The following SHANK2 variants were observed in gnomAD, a reference collection of about 807,000 sequenced individuals.
SHANK2 encodes SH3 and multiple ankyrin repeat domains protein 2.
A neutral mutation model predicts 133.7 loss-of-function variants in SHANK2; 43 were observed. The ratio of observed to expected loss-of-function variants is 0.32; its 90% confidence interval spans 0.25 to 0.41. SHANK2 has a LOEUF of 0.41. Ranked by LOEUF, SHANK2 falls within the 10% of genes least tolerant of loss-of-function variation. The probability of loss-of-function intolerance (pLI) is 1.00; values close to 1 mark genes in which losing one functional copy is unlikely to be tolerated. For synonymous variants in SHANK2, 1,017 were observed against 952.8 expected, an observed-to-expected ratio of 1.07 and a Z score of -1.24; for missense variants, 1,994 against 2,235.8, an observed-to-expected ratio of 0.89 and a Z score of 2.18.
intron 11 of SHANK2, among the ~76,000 whole-genome samples, chr11:70,846,948 A>C (rs1949005968): frequency 6.6e-6 from 1 of 152,168 alleles, no homozygotes; most frequent in African/African-American, 2.4e-5. Flanking sequence ...CTGTGCTCAT[A>C]AAAGAGCCTG....
At chr11:70,551,311 G>A (rs1395494024) in intron 17 of SHANK2, among the ~76,000 whole-genome samples, 1 of 151,790 alleles carries the variant, frequency 6.6e-6, no homozygotes, top group Non-Finnish European at 1.5e-5. Context: ...CCTGCCCGCT[G>A]CCCCTCCCCC....
chr11:71,233,328 A>G (rs1283364005), intron 1 of SHANK2, among the ~76,000 whole-genome samples: 1 of 152,212 alleles, frequency 6.6e-6, no homozygotes, highest in Admixed American at 6.5e-5. Flanking sequence ...AACACGGATG[A>G]ACCTCGGTAA....
chr11:70,825,784 T>TTG (rs1555057069), intron 11 of SHANK2, among the ~76,000 whole-genome samples: 2,689 of 151,976 alleles, frequency 0.018, 38 homozygotes, highest in Non-Finnish European at 0.025. Flanking sequence ...TGATTTTTTT[T>TTG]TGTGAAAAGG....
At chr11:70,947,353 A>ATTTTTT (rs71049955) in intron 10 of SHANK2, among the ~76,000 whole-genome samples, 1 of 133,098 alleles carries the variant, frequency 7.5e-6, no homozygotes, top group Non-Finnish European at 1.6e-5. Context: ...TGACATCTAC[A>ATTTTTT]TTTTTTTTTT....
intron 2 of SHANK2, among the ~76,000 whole-genome samples, chr11:71,184,498 A>G (rs551303414): frequency 6.3e-4 from 96 of 152,266 alleles, no homozygotes; most frequent in Non-Finnish European, 6.0e-4. Flanking sequence ...CTGAAGCCCA[A>G]TGATACCCAC....
chr11:70,806,328 C>A (rs1032011266), intron 13 of SHANK2, among the ~76,000 whole-genome samples: 1 of 152,232 alleles, frequency 6.6e-6, no homozygotes, highest in African/African-American at 2.4e-5. Context: ...GCAGCCCACA[C>A]CTGCCATGTT....
chr11:70,722,692 G>A (rs931662407), intron 14 of SHANK2, among the ~76,000 whole-genome samples: 3 of 152,206 alleles, frequency 2.0e-5, no homozygotes, highest in Non-Finnish European at 2.9e-5. Flanking sequence ...GCAAAAATGA[G>A]AGATGGTTTC....
chr11:70,915,482 G>C (rs1330564551), intron 10 of SHANK2, among the ~76,000 whole-genome samples: 1 of 152,214 alleles, frequency 6.6e-6, no homozygotes, highest in Admixed American at 6.5e-5. Flanking sequence ...AGTATGGGAA[G>C]GGACGGTGCC....
chr11:71,225,907 C>T (rs144809017), intron 1 of SHANK2, among the ~76,000 whole-genome samples: 1 of 152,100 alleles, frequency 6.6e-6, no homozygotes, highest in Admixed American at 6.6e-5. Flanking sequence ...GTGGATCACT[C>T]AAGGTTAGAA....
chr11:70,545,754 C>A (rs1383715379), intron 17 of SHANK2, among the ~76,000 whole-genome samples: 1 of 152,236 alleles, frequency 6.6e-6, no homozygotes, highest in Non-Finnish European at 1.5e-5. Flanking sequence ...AGAGTCAGTG[C>A]AGACCCTGCG....
Position 71,103,709 on chromosome 11 carries a change from G to A in SHANK2, c.592+6232C>T, listed in dbSNP as rs564497047. Among the ~76,000 whole-genome samples, 253 of 152,286 alleles carry A rather than the reference G, an allele frequency of 1.7e-3. 2 individuals carry two copies. In the Middle Eastern group the frequency reaches 0.031, roughly 18 times the overall value. ...AGGTGGGGCCTGGTGGGAGGTGACT[G>A]GATCATGGGGGCAGATTTGTCATGA... is the stretch of plus-strand genomic sequence containing the variant. On this transcript the variant is annotated intron_variant, in intron 6 of 25. Coordinates refer to ENST00000601538, the MANE Select transcript of SHANK2 (RefSeq NM_012309.5).
At chr11:70,918,658 A>G (rs1160794274) in intron 10 of SHANK2, among the ~76,000 whole-genome samples, 1 of 151,250 alleles carries the variant, frequency 6.6e-6, no homozygotes, top group Non-Finnish European at 1.5e-5. Context: ...GGCGCCCACA[A>G]CTACACCTGG....
At chr11:70,540,530 A>G (rs1365751703) in intron 17 of SHANK2, among the ~76,000 whole-genome samples, 2 of 146,546 alleles carry the variant, frequency 1.4e-5, no homozygotes, top group Non-Finnish European at 3.0e-5. Context: ...CACGATACCC[A>G]TGGCCGCAGC....
chr11:71,119,528 C>A (rs1203379215), intron 3 of SHANK2, among the ~76,000 whole-genome samples: 2 of 148,566 alleles, frequency 1.3e-5, no homozygotes, highest in African/African-American at 5.0e-5. Context: ...TGCACTGAGC[C>A]GAGATTGCAC....
chr11:70,568,918 G>C (rs1311683479), intron 17 of SHANK2, among the ~76,000 whole-genome samples: 2 of 152,304 alleles, frequency 1.3e-5, no homozygotes, highest in African/African-American at 4.8e-5. Context: ...TGAGAAGCCT[G>C]CCTGTGTCCA....
chr11:70,651,962 C>A (rs1197037400), intron 17 of SHANK2, among the ~76,000 whole-genome samples: 1 of 152,230 alleles, frequency 6.6e-6, no homozygotes, highest in African/African-American at 2.4e-5. Flanking sequence ...AAGTCTCTCA[C>A]AATACCCCAA....
chr11:71,135,512 G>A (rs1281917094), intron 3 of SHANK2, among the ~76,000 whole-genome samples: 5 of 140,862 alleles, frequency 3.5e-5, no homozygotes, highest in African/African-American at 1.3e-4. Flanking sequence ...TTGAGATGGA[G>A]TCTCACTTTT....
At chr11:70,624,925 C>T (rs529186568) in intron 17 of SHANK2, among the ~76,000 whole-genome samples, 2 of 152,212 alleles carry the variant, frequency 1.3e-5, no homozygotes, top group African/African-American at 4.8e-5. Context: ...AGGGTTCTCA[C>T]CAGGAGTTTA....
intron 2 of SHANK2, among the ~76,000 whole-genome samples, chr11:71,173,310 G>A (rs781991128): frequency 1.3e-5 from 2 of 152,200 alleles, no homozygotes; most frequent in African/African-American, 2.4e-5. Flanking sequence ...ACTGCTGGAA[G>A]GCGTCTGCTG....
Sources: gnomAD v4.1 joint callset for allele counts (sites outside exome capture counted in the v4.1 genomes callset) on GRCh38, gnomAD v4.1.1 for gene constraint, MANE v1.5 for transcripts, NCBI Gene and HGNC (gene_info 2026-07-23, HGNC 2026-07-21) for gene names.